Variants in IL1RAPL2 observed in about 807,000 individuals in gnomAD.
IL1RAPL2 encodes X-linked interleukin-1 receptor accessory protein-like 2.
In IL1RAPL2, 3 loss-of-function variants were observed where a neutral mutation model predicts 44.1. That is an observed-to-expected ratio of 0.07 (90% CI 0.03 to 0.18). The LOEUF (loss-of-function observed/expected upper bound fraction) is 0.18, where lower values mean the gene tolerates loss of function less well. Among genes scored for constraint, IL1RAPL2 ranks in the 10% least tolerant of loss-of-function variants. The pLI is 1.00. For missense variants in IL1RAPL2, 391 were observed against 496.4 expected (o/e 0.79, Z 2.02); for synonymous variants, 181 against 178.8 (o/e 1.01, Z -0.10).
chrX:104,673,561 G>A (rs1318766920), intron 2 of IL1RAPL2, among the ~76,000 whole-genome samples: 1 of 111,142 alleles, frequency 9.0e-6, no homozygotes, highest in Non-Finnish European at 1.9e-5. Flanking sequence ...TTTTGGCTTA[G>A]GATTGATTTG....
intron 2 of IL1RAPL2, among the ~76,000 whole-genome samples, chrX:104,894,893 C>A (rs149743864): frequency 1.8e-5 from 2 of 111,893 alleles, no homozygotes; most frequent in African/African-American, 6.5e-5. Flanking sequence ...TTTTCTGCTC[C>A]GTTTTTTCCC....
intron 2 of IL1RAPL2, among the ~76,000 whole-genome samples, chrX:104,898,952 C>T (rs1284191882): frequency 1.8e-5 from 2 of 112,129 alleles, no homozygotes; most frequent in African/African-American, 6.5e-5. Flanking sequence ...ATACTTTTTA[C>T]TGCAAATATT....
chrX:105,097,347 A>C lies in IL1RAPL2; in HGVS notation c.83-98128A>C, dbSNP rs781516323. 8.9e-4 allele frequency among the ~76,000 whole-genome samples: 95 copies of C among 106,361 alleles called. 2 individuals carry two copies. In the South Asian group the frequency reaches 0.039, roughly 44 times the overall value. 92.4% of individuals were successfully genotyped at this position (106,361 alleles called of 115,157 possible). A position where few individuals can be genotyped will look rare whatever the true frequency, so the allele number is the denominator to read the frequency against. On this transcript the variant is annotated intron_variant, in intron 2 of 10. Coordinates refer to ENST00000372582, the MANE Select transcript of IL1RAPL2 (RefSeq NM_017416.2). Reference sequence around the variant, plus strand: ...GTGTCAGACAAAAAAAAAAAAAAAAAAAAAAAACATGCCAGGGCCCCCTCA... The same window carrying C: ...GTGTCAGACAAAAAAAAAAAAAAAACAAAAAAACATGCCAGGGCCCCCTCA...
chrX:105,628,108 G>T (rs964677137), intron 6 of IL1RAPL2, among the ~76,000 whole-genome samples: 3 of 111,765 alleles, frequency 2.7e-5, no homozygotes, highest in Admixed American at 1.9e-4. Context: ...AAATAGACTT[G>T]CAGGCTGCCC....
intron 1 of IL1RAPL2, among the ~76,000 whole-genome samples, chrX:104,610,452 A>G (rs746483300): frequency 2.7e-5 from 3 of 112,108 alleles, no homozygotes; most frequent in Admixed American, 9.4e-5. Context: ...TACAAAATCA[A>G]TGTGCAAAAA....
chrX:104,692,754 C>T lies in IL1RAPL2; in HGVS notation c.82+33759C>T, dbSNP rs746245376. On this transcript the variant is annotated intron_variant, in intron 2 of 10. Transcript: ENST00000372582. ...TAATCCAATCTATCATCGTTGGACACTTGGCTTGGTTCCAAGTCTTTGCTA... is the reference window on the plus strand; with the variant it reads ...TAATCCAATCTATCATCGTTGGACATTTGGCTTGGTTCCAAGTCTTTGCTA... Among the ~76,000 whole-genome samples the T allele has an allele frequency of 4.5e-5, 5 of 111,834 alleles. No individual in the cohort carries two copies. The South Asian group carries it at 1.9e-3, about 42-fold the overall frequency.
At chrX:105,685,983 C>G (rs1602521621) in intron 6 of IL1RAPL2, among the ~76,000 whole-genome samples, 1 of 111,427 alleles carries the variant, frequency 9.0e-6, no homozygotes, top group African/African-American at 3.3e-5. Context: ...AAACAAAATC[C>G]TTTACAGACA....
intron 2 of IL1RAPL2, among the ~76,000 whole-genome samples, chrX:104,895,767 C>T (rs1923624716): frequency 8.9e-6 from 1 of 111,861 alleles, no homozygotes; most frequent in African/African-American, 3.3e-5. Flanking sequence ...CTTCAGCTCA[C>T]ACTCAGGTGA....
chrX:105,501,442 G>A (rs1204035037), intron 6 of IL1RAPL2, among the ~76,000 whole-genome samples: 2 of 110,597 alleles, frequency 1.8e-5, no homozygotes, highest in African/African-American at 3.3e-5. Flanking sequence ...TGAGCAACAT[G>A]GTGAAACCCC....
chrX:105,551,077 T>C (rs1193468140), intron 6 of IL1RAPL2, among the ~76,000 whole-genome samples: 1 of 110,706 alleles, frequency 9.0e-6, no homozygotes, highest in African/African-American at 3.3e-5. Context: ...TTACAGTGAA[T>C]AGTGGTAGAA....
rs144495459 is a variant in IL1RAPL2, at chrX:104,724,901, T to A, written c.82+65906T>A. 2.3e-3 allele frequency among the ~76,000 whole-genome samples: 257 copies of A among 111,631 alleles called. 4 individuals are homozygous for A. In the East Asian group the frequency reaches 0.041, roughly 18 times the overall value. ...TGATCTATGTGTCTATTTTTTAAAT[T>A]ATACTTAAAGTTCTGGGATACATGT... On this transcript the variant is annotated intron_variant, in intron 2 of 10. Coordinates refer to ENST00000372582, the MANE Select transcript of IL1RAPL2 (RefSeq NM_017416.2).
chrX:105,150,640 A>T (rs967785684), intron 2 of IL1RAPL2, among the ~76,000 whole-genome samples: 3 of 111,994 alleles, frequency 2.7e-5, no homozygotes, highest in Non-Finnish European at 5.6e-5. Flanking sequence ...TTTGTCTTTC[A>T]TGGAGGTTAA....
chrX:105,119,290 C>T (rs896912031), intron 2 of IL1RAPL2, among the ~76,000 whole-genome samples: 2 of 111,027 alleles, frequency 1.8e-5, no homozygotes, highest in South Asian at 7.6e-4. Flanking sequence ...CAGGAATCTT[C>T]ACAAGTTAAG....
At chrX:105,316,013 C>T (rs936444719) in intron 5 of IL1RAPL2, among the ~76,000 whole-genome samples, 2 of 111,124 alleles carry the variant, frequency 1.8e-5, no homozygotes, top group African/African-American at 6.5e-5. Flanking sequence ...GTGGCTCACA[C>T]CTGTAATCCC....
chrX:105,312,439 C>T (rs2034805337), intron 5 of IL1RAPL2, among the ~76,000 whole-genome samples: 1 of 111,262 alleles, frequency 9.0e-6, no homozygotes, highest in Non-Finnish European at 1.9e-5. Context: ...TTTTCAATCC[C>T]AAGTGATACA....
At chrX:105,032,479 TA>T (rs753860330) in intron 2 of IL1RAPL2, among the ~76,000 whole-genome samples, 2 of 111,593 alleles carry the variant, frequency 1.8e-5, no homozygotes, top group East Asian at 5.6e-4. Context: ...TTCATTTCGT[TA>T]TTTCCCCGTA....
At chrX:105,082,510 A>C (rs2032425389) in intron 2 of IL1RAPL2, among the ~76,000 whole-genome samples, 1 of 110,800 alleles carries the variant, frequency 9.0e-6, no homozygotes, top group Non-Finnish European at 1.9e-5. Context: ...AATGGGAGAT[A>C]CCTCCCAGTA....
rs1930665948 is a variant in IL1RAPL2 at position 104,673,462 on chromosome X, T to C, written c.82+14467T>C. Among the ~76,000 whole-genome samples the C allele has an allele frequency of 3.6e-5, 4 of 111,461 alleles. No individual in the cohort carries two copies. In the Admixed American group the frequency reaches 3.8e-4, roughly 11 times the overall value. ...GTTCTGTTCTATTGATCTATATCTC[T>C]GTTTTGGTACAAGTACCATGCTGTT... is the stretch of plus-strand genomic sequence containing the variant. On this transcript the variant is annotated intron_variant, in intron 2 of 10. Coordinates refer to ENST00000372582, the MANE Select transcript of IL1RAPL2 (RefSeq NM_017416.2).
intron 2 of IL1RAPL2, among the ~76,000 whole-genome samples, chrX:104,913,303 C>T (rs780270850): frequency 2.8e-4 from 28 of 101,338 alleles, no homozygotes; most frequent in Non-Finnish European, 4.7e-4. Context: ...TAAGCAGAAA[C>T]ACAGTGTTCA....
Sources: allele counts gnomAD v4.1 joint callset (sites outside exome capture counted in the v4.1 genomes callset), GRCh38; gene constraint gnomAD v4.1.1; transcripts MANE v1.5; gene names NCBI Gene and HGNC (gene_info 2026-07-23, HGNC 2026-07-21).